Variants in GCNT1 observed in about 807,000 individuals in gnomAD.
GCNT1 encodes glucosaminyl (N-acetyl) transferase 1, also known as beta-1,3-galactosyl-O-glycosyl-glycoprotein beta-1,6-N-acetylglucosaminyltransferase.
GCNT1 carries 16 observed loss-of-function variants against 26.2 expected under a neutral mutation model. The ratio of observed to expected loss-of-function variants is 0.61; its 90% CI spans 0.41 to 0.93. GCNT1 has a LOEUF of 0.93. Among genes scored for constraint, GCNT1 ranks in the 40% least tolerant of loss-of-function variants. The pLI, the probability that GCNT1 is intolerant of heterozygous loss-of-function variation, is 0.00. For synonymous variants in GCNT1, 183 were observed against 190.8 expected (o/e 0.96, Z 0.34); for missense variants, 477 against 526.7 (o/e 0.91, Z 0.92).
upstream of GCNT1, among the ~76,000 whole-genome samples, chr9:76,456,962 G>T (rs1823767544): frequency 6.6e-6 from 1 of 152,188 alleles, no homozygotes; most frequent in African/African-American, 2.4e-5. Context: ...GTAACAGAGT[G>T]AGACCCTGTC....
In GCNT1 at chr9:76,506,354, CA is replaced by C. The variant is rs775096959; in HGVS notation, c.*2687del. The C allele has an allele frequency of 7.8e-5, 13 of 166,846 alleles. No homozygotes were observed. The highest frequency in any genetic ancestry group is 8.8e-5 in the Non-Finnish European group (6 of 68,070). The allele number at this position is 166,846 out of a possible 1,614,324, so 10.3% of individuals were successfully genotyped here. A position where few individuals can be genotyped will look rare whatever the true frequency, so the allele number is the denominator to read the frequency against. ...AGGATTTCAAGACCAGCCTAGCCAA[CA>C]TGACGAAACCCCATCTCTACTGAAA... On this transcript the variant is annotated 3_prime_UTR_variant, in exon 4 of 4. Coordinates refer to ENST00000376730, the MANE Select transcript of GCNT1 (RefSeq NM_001490.5).
chr9:76,399,517 G>T, the GCNT1 span: 94 of 1,587,460 alleles, frequency 5.9e-5, no homozygotes, highest in Non-Finnish European at 8.0e-5. Flanking sequence ...AGCCTGCCAC[G>T]GAAGACTGGT....
chr9:76,457,796 TG>T (rs1003175154), upstream of GCNT1, among the ~76,000 whole-genome samples: 4 of 152,174 alleles, frequency 2.6e-5, no homozygotes, highest in Non-Finnish European at 4.4e-5. Flanking sequence ...ATGCTTGAAT[TG>T]CTCATGAAAA....
At chr9:76,441,011 GCCAAGATCACA>G (rs1014392111), upstream of GCNT1, among the ~76,000 whole-genome samples, 6 of 144,752 alleles carry the variant, frequency 4.1e-5, no homozygotes, top group Non-Finnish European at 6.0e-5. Flanking sequence ...GTTGCAGTGA[GCCAAGATCACA>G]CCACTGCACT....
chr9:76,417,048 CTCTG>C (rs1455976444), upstream of GCNT1, among the ~76,000 whole-genome samples: 2 of 152,140 alleles, frequency 1.3e-5, no homozygotes, highest in Non-Finnish European at 2.9e-5. Flanking sequence ...CAGAGCCAGA[CTCTG>C]TCTCAGAAAA....
chr9:76,471,161 C>T (rs928570482), intron 2 of GCNT1, among the ~76,000 whole-genome samples: 3 of 152,166 alleles, frequency 2.0e-5, no homozygotes, highest in Non-Finnish European at 4.4e-5. Context: ...GCTATATCTG[C>T]TGCTGGAGTG....
intron 1 of GCNT1, among the ~76,000 whole-genome samples, chr9:76,430,194 A>G (rs190629831): frequency 6.5e-4 from 99 of 152,240 alleles, no homozygotes; most frequent in African/African-American, 2.1e-3. Flanking sequence ...TTTTTTTGCA[A>G]CCTACTATAT....
intron 2 of GCNT1, among the ~76,000 whole-genome samples, chr9:76,491,592 A>G (rs1824739151): frequency 6.6e-6 from 1 of 152,230 alleles, no homozygotes; most frequent in Non-Finnish European, 1.5e-5. Context: ...GAAGAGGCTT[A>G]CTTTCAAGTA....
intron 2 of GCNT1, among the ~76,000 whole-genome samples, chr9:76,469,037 G>A (rs1824070170): frequency 6.6e-6 from 1 of 152,148 alleles, no homozygotes; most frequent in Non-Finnish European, 1.5e-5. Context: ...AGACTATTTT[G>A]ATTAGTCTTT....
At chr9:76,494,603 C>T (rs1160741568) in intron 2 of GCNT1, among the ~76,000 whole-genome samples, 1 of 152,002 alleles carries the variant, frequency 6.6e-6, no homozygotes, top group Non-Finnish European at 1.5e-5. Context: ...GCCCAGGTGC[C>T]TAAAGAAGGG....
chr9:76,428,292 T>TAAAATAAAAAAAAAAAAA (rs1823285942), intron 1 of GCNT1, among the ~76,000 whole-genome samples: 1 of 85,894 alleles, frequency 1.2e-5, no homozygotes, highest in African/African-American at 4.3e-5. Context: ...AAAAAAAACT[T>TAAAATAAAAAAAAAAAAA]AAAAAAAAAA....
chr9:76,408,934 G>A, the GCNT1 span, among the ~76,000 whole-genome samples: 20 of 152,000 alleles, frequency 1.3e-4, no homozygotes, highest in African/African-American at 4.8e-5. Context: ...AGTGATCCAC[G>A]CACCTCAGCC....
At chr9:76,468,252 G>A (rs1394200413) in intron 2 of GCNT1, among the ~76,000 whole-genome samples, 1 of 152,156 alleles carries the variant, frequency 6.6e-6, no homozygotes, top group African/African-American at 2.4e-5. Context: ...TGGATAAGGA[G>A]GCAGGGATTC....
intron 2 of GCNT1, among the ~76,000 whole-genome samples, chr9:76,481,220 CAT>C (rs1035100139): frequency 1.3e-5 from 2 of 151,262 alleles, no homozygotes; most frequent in East Asian, 1.9e-4. Context: ...TAAATAAATA[CAT>C]ATATATATAT....
At chr9:76,399,726 G>T in the GCNT1 span, 3 of 595,304 alleles carry the variant, frequency 5.0e-6, no homozygotes, top group Non-Finnish European at 8.9e-6. Flanking sequence ...CAAATGGAAT[G>T]GATGAATGGA....
At chr9:76,408,224 T>G in the GCNT1 span, among the ~76,000 whole-genome samples, 1 of 152,212 alleles carries the variant, frequency 6.6e-6, no homozygotes, top group African/African-American at 2.4e-5. Context: ...TGGGAAAGCT[T>G]CTAATTTTTC....
the GCNT1 span, among the ~76,000 whole-genome samples, chr9:76,401,019 C>T: frequency 6.6e-6 from 1 of 152,152 alleles, no homozygotes; most frequent in Non-Finnish European, 1.5e-5. Context: ...AGATTTAAGA[C>T]TTAATGCATG....
intron 1 of GCNT1, among the ~76,000 whole-genome samples, chr9:76,449,782 GTTTGT>G (rs1020938649): frequency 6.6e-6 from 1 of 152,046 alleles, no homozygotes; most frequent in Non-Finnish European, 1.5e-5. Flanking sequence ...TTTCGTTTTT[GTTTGT>G]TTTGTTTTGT....
chr9:76,403,799 A>T, the GCNT1 span, among the ~76,000 whole-genome samples: 1 of 152,242 alleles, frequency 6.6e-6, no homozygotes, highest in Non-Finnish European at 1.5e-5. Flanking sequence ...AAAATGGAGA[A>T]AGAGAAAAAG....
Sources: gnomAD v4.1 joint callset for allele counts (sites outside exome capture counted in the v4.1 genomes callset) on GRCh38, gnomAD v4.1.1 for gene constraint, MANE v1.5 for transcripts, NCBI Gene and HGNC (gene_info 2026-07-23, HGNC 2026-07-21) for gene names.